Variants in ASIC2 observed in about 807,000 individuals in gnomAD.
The protein encoded by ASIC2 is acid-sensing ion channel 2.
ASIC2 carries 25 observed loss-of-function variants against 57.3 expected under a neutral mutation model. That is an observed-to-expected ratio of 0.44 (90% CI 0.32 to 0.61). The LOEUF (loss-of-function observed/expected upper bound fraction) is 0.61. Ranked by LOEUF, ASIC2 falls within the 20% of genes least tolerant of loss-of-function variation. The pLI is 0.06. For missense variants in ASIC2, 641 were observed against 738.1 expected (o/e 0.87, Z 1.52); for synonymous variants, 319 against 307.5 (o/e 1.04, Z -0.39).
chr17:33,873,519 T>C (rs1042220874), intron 1 of ASIC2, among the ~76,000 whole-genome samples: 2 of 152,172 alleles, frequency 1.3e-5, no homozygotes, highest in Non-Finnish European at 2.9e-5. Flanking sequence ...TTGGGATCAT[T>C]CTTGAGGCCA....
intron 1 of ASIC2, among the ~76,000 whole-genome samples, chr17:33,323,037 G>T (rs996616561): frequency 1.3e-5 from 2 of 152,182 alleles, no homozygotes; most frequent in South Asian, 4.1e-4. Flanking sequence ...AATAACCAGA[G>T]AATAATTTAA....
intron 1 of ASIC2, among the ~76,000 whole-genome samples, chr17:33,555,295 G>C (rs1758084246): frequency 6.6e-6 from 1 of 152,196 alleles, no homozygotes; most frequent in African/African-American, 2.4e-5. Context: ...TTCCAGTGTA[G>C]ACGGAGTAGT....
intron 1 of ASIC2, among the ~76,000 whole-genome samples, chr17:34,149,480 A>G (rs1904429376): frequency 6.6e-6 from 1 of 152,210 alleles, no homozygotes; most frequent in East Asian, 1.9e-4. Flanking sequence ...AAGAAGCTTG[A>G]AAACAACAAT....
At chr17:33,126,481 G>A (rs936431384) in intron 1 of ASIC2, among the ~76,000 whole-genome samples, 1 of 152,172 alleles carries the variant, frequency 6.6e-6, no homozygotes, top group African/African-American at 2.4e-5. Flanking sequence ...CTGAGGGGTT[G>A]TCTGAAGGAT....
At chr17:33,388,096 GCAAAA>G (rs61370065) in intron 1 of ASIC2, among the ~76,000 whole-genome samples, 5 of 151,474 alleles carry the variant, frequency 3.3e-5, no homozygotes, top group South Asian at 2.1e-4. Flanking sequence ...ACAAAGCAAA[GCAAAA>G]CAAAACAAAA....
At chr17:33,667,476 T>C (rs1020256257) in intron 1 of ASIC2, among the ~76,000 whole-genome samples, 7 of 152,238 alleles carry the variant, frequency 4.6e-5, no homozygotes, top group African/African-American at 1.7e-4. Flanking sequence ...ATCCTCTTTC[T>C]TCTCTTGCTA....
chr17:33,120,137 T>TA (rs1206775059), intron 1 of ASIC2, among the ~76,000 whole-genome samples: 1 of 152,218 alleles, frequency 6.6e-6, no homozygotes, highest in East Asian at 1.9e-4. Context: ...GTTGCTGGAA[T>TA]AAGGTTTAGC....
chr17:33,830,719 C>T (rs1320690893), intron 1 of ASIC2, among the ~76,000 whole-genome samples: 3 of 152,000 alleles, frequency 2.0e-5, no homozygotes, highest in African/African-American at 7.3e-5. Context: ...CCCCTTGCCC[C>T]CTACCCTCCG....
chr17:33,727,024 C>T (rs1909581947), intron 1 of ASIC2, among the ~76,000 whole-genome samples: 1 of 152,102 alleles, frequency 6.6e-6, no homozygotes, highest in Non-Finnish European at 1.5e-5. Flanking sequence ...AAAAGAATCA[C>T]TGAATCTCCT....
intron 1 of ASIC2, among the ~76,000 whole-genome samples, chr17:34,021,837 G>GTTTTTTT (rs11394863): frequency 2.8e-4 from 33 of 118,312 alleles, no homozygotes; most frequent in African/African-American, 3.1e-4. Flanking sequence ...GTTTTGTTTT[G>GTTTTTTT]TTTTTTTTTT....
intron 1 of ASIC2, among the ~76,000 whole-genome samples, chr17:33,270,869 G>C (rs1338889285): frequency 6.6e-6 from 1 of 152,232 alleles, no homozygotes; most frequent in Non-Finnish European, 1.5e-5. Flanking sequence ...GCCAGGCCCA[G>C]TGCTAAGCAC....
At chr17:33,405,088 A>G (rs1910421778) in intron 1 of ASIC2, among the ~76,000 whole-genome samples, 2 of 152,018 alleles carry the variant, frequency 1.3e-5, no homozygotes, top group African/African-American at 4.8e-5. Flanking sequence ...CTCTGATACA[A>G]CTGTTTTCCA....
intron 1 of ASIC2, among the ~76,000 whole-genome samples, chr17:33,610,052 G>GCACACACACA (rs1491226445): frequency 3.0e-4 from 29 of 95,780 alleles, no homozygotes; most frequent in Middle Eastern, 5.4e-3. Context: ...CTGGACAGAG[G>GCACACACACA]CGCACACACA....
intron 1 of ASIC2, among the ~76,000 whole-genome samples, chr17:34,083,149 T>C (rs1288599130): frequency 6.7e-6 from 1 of 150,114 alleles, no homozygotes; most frequent in African/African-American, 2.4e-5. Flanking sequence ...ATTAGGTATA[T>C]CTCCCAGTGC....
chr17:33,342,629 T>G lies in ASIC2; in HGVS notation c.556-230562A>C, dbSNP rs547479486. Among the ~76,000 whole-genome samples the G allele has an allele frequency of 3.2e-4, 48 of 152,292 alleles. No individual in the cohort carries two copies. The South Asian group carries it at 6.8e-3, about 22-fold the overall frequency. Reference sequence around the variant, plus strand: ...GTCCACATTATGACACGACTGATTATTAACTCTCAATCCAGTCTGCTTAGC... The same window carrying G: ...GTCCACATTATGACACGACTGATTAGTAACTCTCAATCCAGTCTGCTTAGC... On this transcript the variant is annotated intron_variant, in intron 1 of 9. Coordinates refer to the ASIC2 transcript ENST00000359872.
chr17:33,502,443 G>A (rs1310420406), intron 1 of ASIC2, among the ~76,000 whole-genome samples: 2 of 152,174 alleles, frequency 1.3e-5, no homozygotes, highest in African/African-American at 2.4e-5. Flanking sequence ...ACCCGCATTT[G>A]GGGCATAATA....
In ASIC2 at chr17:33,051,769, T is replaced by C. The variant is rs139503235; in HGVS notation, c.988-23377A>G. Among the ~76,000 whole-genome samples, 588 of 152,194 alleles carry C rather than the reference T, an allele frequency of 3.9e-3. 2 individuals are homozygous for C. The highest frequency in any genetic ancestry group is 0.01 in the Middle Eastern group (3 of 294). On this transcript the variant is annotated intron_variant, in intron 3 of 9. Coordinates refer to ENST00000225823, the MANE Select transcript of ASIC2 (RefSeq NM_183377.2). ...TGCCTATATGACATATAGAAGGCAG[T>C]CAATATAGCAGAGATCCTCATTGGC... is the stretch of plus-strand genomic sequence containing the variant.
chr17:33,741,257 C>T (rs553836698), intron 1 of ASIC2, among the ~76,000 whole-genome samples: 9 of 152,314 alleles, frequency 5.9e-5, no homozygotes, highest in Non-Finnish European at 1.2e-4. Context: ...TTCCTGGAAT[C>T]AGTATATTTG....
chr17:33,924,294 G>A lies in ASIC2; in HGVS notation c.555+231684C>T, dbSNP rs560310460. 1.9e-4 allele frequency among the ~76,000 whole-genome samples: 29 copies of A among 152,314 alleles called. 1 individual carries two copies. The highest frequency in any genetic ancestry group is 3.4e-3 in the Middle Eastern group (1 of 294). On this transcript the variant is annotated intron_variant, in intron 1 of 9. Transcript: ENST00000359872. Reference sequence around the variant, plus strand: ...AACCCTGGAGTGAGGCTTGCAGAGCGGGCTTGCAAAGCAGCCACACCCATT... The same window carrying A: ...AACCCTGGAGTGAGGCTTGCAGAGCAGGCTTGCAAAGCAGCCACACCCATT...
Sources: gnomAD v4.1 joint callset for allele counts (sites outside exome capture counted in the v4.1 genomes callset) on GRCh38, gnomAD v4.1.1 for gene constraint, MANE v1.5 for transcripts, NCBI Gene and HGNC (gene_info 2026-07-23, HGNC 2026-07-21) for gene names.